The following EYS variants were observed in gnomAD, a reference collection of about 807,000 sequenced individuals.
EYS encodes the protein EGF-like photoreceptor maintenance factor.
Under a neutral mutation model 282.1 loss-of-function variants are expected in EYS, and 250 were observed. The ratio of observed to expected loss-of-function variants is 0.89; its 90% CI spans 0.80 to 0.98. The LOEUF (loss-of-function observed/expected upper bound fraction) is 0.98. Ranked by LOEUF, EYS falls within the 50% of genes least tolerant of loss-of-function variation. The pLI is 0.00. For synonymous variants in EYS, 1,355 were observed against 1,282.9 expected (o/e 1.06, Z -1.20); for missense variants, 4,016 against 3,709.0 (o/e 1.08, Z -2.15).
At chr6:64,264,736 C>A (rs147434270) in intron 30 of EYS, among the ~76,000 whole-genome samples, 83 of 152,034 alleles carry the variant, frequency 5.5e-4, no homozygotes, top group African/African-American at 1.9e-3. Flanking sequence ...AAGGTGAAAC[C>A]CCATCTCTAC....
At chr6:65,074,042 T>G (rs1465506477) in intron 12 of EYS, among the ~76,000 whole-genome samples, 1 of 152,012 alleles carries the variant, frequency 6.6e-6, no homozygotes, top group Non-Finnish European at 1.5e-5. Flanking sequence ...AGGTGGTAGT[T>G]ATAAGAGTGC....
chr6:64,736,466 T>A (rs1363871387), intron 22 of EYS, among the ~76,000 whole-genome samples: 1 of 152,206 alleles, frequency 6.6e-6, no homozygotes, highest in Non-Finnish European at 1.5e-5. Context: ...CTTTTAGTGG[T>A]ATTGCACTAA....
chr6:65,172,754 T>C (rs913829496), intron 12 of EYS, among the ~76,000 whole-genome samples: 2 of 151,318 alleles, frequency 1.3e-5, no homozygotes, highest in Non-Finnish European at 1.5e-5. Flanking sequence ...TTTGATAACA[T>C]GGTCTTGAGA....
chr6:64,892,068 T>C (rs1056752032), intron 18 of EYS, among the ~76,000 whole-genome samples: 4 of 151,814 alleles, frequency 2.6e-5, no homozygotes, highest in African/African-American at 9.7e-5. Flanking sequence ...ATTCAACATA[T>C]TAAAATAGAG....
chr6:64,811,310 AT>A (rs1325993379), intron 22 of EYS, among the ~76,000 whole-genome samples: 3 of 152,030 alleles, frequency 2.0e-5, no homozygotes, highest in African/African-American at 7.2e-5. Flanking sequence ...TCCTATTTAA[AT>A]ACAGTTTGAA....
chr6:64,592,422 A>G (rs1243449122), intron 25 of EYS, among the ~76,000 whole-genome samples: 1 of 152,136 alleles, frequency 6.6e-6, no homozygotes, highest in African/African-American at 2.4e-5. Flanking sequence ...CCATATTTCA[A>G]TTTAATTTTT....
At chr6:65,578,033 T>A (rs1764735847) in intron 2 of EYS, among the ~76,000 whole-genome samples, 1 of 151,594 alleles carries the variant, frequency 6.6e-6, no homozygotes, top group African/African-American at 2.4e-5. Context: ...TCTCAAAAAA[T>A]TGAAAATAGG....
At chr6:65,514,840 G>C (rs890097035) in intron 2 of EYS, among the ~76,000 whole-genome samples, 4 of 152,122 alleles carry the variant, frequency 2.6e-5, no homozygotes, top group Admixed American at 2.0e-4. Context: ...AAAAACCCTA[G>C]AAGAAAACCT....
chr6:64,158,785 G>A (rs1028577523), intron 31 of EYS, among the ~76,000 whole-genome samples: 2 of 148,426 alleles, frequency 1.3e-5, no homozygotes, highest in African/African-American at 5.3e-5. Flanking sequence ...ATTAATACTC[G>A]CTAACCACAA....
chr6:65,158,763 A>T (rs1764784725), intron 12 of EYS, among the ~76,000 whole-genome samples: 1 of 150,974 alleles, frequency 6.6e-6, no homozygotes, highest in Non-Finnish European at 1.5e-5. Context: ...ATAAAACTGT[A>T]TTATGGTAAG....
intron 26 of EYS, among the ~76,000 whole-genome samples, chr6:64,461,414 C>G (rs1775741714): frequency 1.3e-5 from 2 of 152,040 alleles, no homozygotes; most frequent in South Asian, 4.1e-4. Flanking sequence ...GGAAGGTTTA[C>G]AAGCCAAAAA....
chr6:64,578,739 A>G (rs928236680), intron 26 of EYS, among the ~76,000 whole-genome samples: 2 of 152,014 alleles, frequency 1.3e-5, no homozygotes, highest in African/African-American at 4.8e-5. Context: ...ATCACTAACT[A>G]TGGAGTCCAG....
intron 22 of EYS, among the ~76,000 whole-genome samples, chr6:64,729,629 T>C (rs1771887385): frequency 6.6e-6 from 1 of 152,226 alleles, no homozygotes; most frequent in African/African-American, 2.4e-5. Context: ...AAATGGATGC[T>C]TATTGGCAAG....
At chr6:65,183,491 A>G (rs1233624965) in intron 12 of EYS, among the ~76,000 whole-genome samples, 3 of 151,932 alleles carry the variant, frequency 2.0e-5, no homozygotes, top group South Asian at 4.1e-4. Context: ...ATGTGATAAA[A>G]GTGAAAATAC....
At chr6:65,314,806 T>C (rs543207347) in intron 11 of EYS, among the ~76,000 whole-genome samples, 2 of 152,242 alleles carry the variant, frequency 1.3e-5, no homozygotes, top group South Asian at 2.1e-4. Context: ...GGAATAAGTT[T>C]CTGAAGGTCT....
At chr6:64,481,198 T>A (rs1776426787) in intron 26 of EYS, among the ~76,000 whole-genome samples, 1 of 149,844 alleles carries the variant, frequency 6.7e-6, no homozygotes, top group Non-Finnish European at 1.5e-5. Flanking sequence ...AAAAATCATA[T>A]ATATGATATA....
chr6:65,302,267 T>C (rs1451353686), intron 11 of EYS, among the ~76,000 whole-genome samples: 6 of 152,202 alleles, frequency 3.9e-5, no homozygotes, highest in Non-Finnish European at 5.9e-5. Flanking sequence ...GAAAATTTTT[T>C]CTGCTTCATT....
rs1021431272 is a variant in EYS at position 64,265,154 on chromosome 6, C to T, written c.6192-34330G>A. ...ACTTTTTCTTATTTTTTATTACCTC[C>T]GAAAATGTAAATGGTTTATGTCAAA... is the stretch of plus-strand genomic sequence containing the variant. On this transcript the variant is annotated intron_variant, in intron 30 of 42. Transcript: ENST00000503581. Among the ~76,000 whole-genome samples, 6 of 151,918 alleles carry T rather than the reference C, an allele frequency of 3.9e-5. No homozygotes were observed. In the South Asian group the frequency reaches 8.3e-4, roughly 21 times the overall value.
intron 29 of EYS, among the ~76,000 whole-genome samples, chr6:64,357,992 G>T (rs1331261158): frequency 1.3e-5 from 2 of 151,664 alleles, no homozygotes; most frequent in Non-Finnish European, 3.0e-5. Flanking sequence ...TGTGACTGAA[G>T]AAATCAGGGA....
Sources: allele counts gnomAD v4.1 joint callset (sites outside exome capture counted in the v4.1 genomes callset), GRCh38; gene constraint gnomAD v4.1.1; transcripts MANE v1.5; gene names NCBI Gene and HGNC (gene_info 2026-07-23, HGNC 2026-07-21).